DPP3: variants seen among roughly 807,000 people sequenced by gnomAD.
DPP3 encodes the protein dipeptidyl peptidase 3.
DPP3 carries 64 observed loss-of-function variants against 89.8 expected under a neutral mutation model. The ratio of observed to expected loss-of-function variants is 0.71; its 90% confidence interval spans 0.58 to 0.88. DPP3 has a LOEUF of 0.88. Ranked by LOEUF, DPP3 falls within the 40% of genes least tolerant of loss-of-function variation. DPP3 has a pLI of 0.00. For synonymous variants in DPP3, 377 were observed against 404.3 expected, an observed-to-expected ratio of 0.93 and a Z score of 0.81; for missense variants, 835 against 972.5, an observed-to-expected ratio of 0.86 and a Z score of 1.88.
chr11:66,488,288 A>T (rs1185328049), intron 6 of DPP3, among the ~76,000 whole-genome samples: 2 of 152,234 alleles, frequency 1.3e-5, no homozygotes, highest in East Asian at 3.8e-4. Flanking sequence ...CAGGCCGGGC[A>T]TGGCAGCTCA....
Position 66,482,247 on chromosome 11 carries a change from G to A in DPP3, c.47G>A (p.Ser16Asn), listed in dbSNP as rs900201852. The A allele has an allele frequency of 1.2e-5, 20 of 1,614,052 alleles. No individual in the cohort carries two copies. The Admixed American group carries it at 3.0e-4, about 24-fold the overall frequency. The change falls in exon 2 of 18, where the codon AGC (serine) becomes AAC (asparagine). Residue 16 changes from serine (S) to asparagine (N), a missense_variant. Physicochemically the swap from Ser to Asn is conservative, Grantham distance 46. Transcript: ENST00000531863. ...CTGCCCAATGACATCGGCGTGTCTAGCCTGGACTGCCGTGAGGCCTTCCGC... is the reference window on the plus strand; with the variant it reads ...CTGCCCAATGACATCGGCGTGTCTAACCTGGACTGCCGTGAGGCCTTCCGC... ...YILPNDIGVSSLDCREAFRLL... is the reference protein window; with the variant it reads ...YILPNDIGVSNLDCREAFRLL...
intron 9 of DPP3, 33 bp downstream of exon 9, chr11:66,491,789 C>T: frequency 6.2e-7 from 1 of 1,610,264 alleles, no homozygotes; most frequent in Non-Finnish European, 8.5e-7. Context: ...CAGTCACAGT[C>T]CCTTCCCCCA....
At chr11:66,484,162 G>C (rs1002779491) in intron 2 of DPP3, among the ~76,000 whole-genome samples, 2 of 152,068 alleles carry the variant, frequency 1.3e-5, no homozygotes, top group African/African-American at 2.4e-5. Context: ...ATTTTTAGTA[G>C]AGATGGGGTT....
rs1310236816 is a variant in DPP3, at chr11:66,502,504, C to CT, written c.1879-2107dup. ...TTTTTTTTCGAAACCAAGTCTCACT[C>CT]TGTCGCCCAGGCTGGAGTGCAGTGG... On this transcript the variant is annotated intron_variant, in intron 16 of 17. Transcript: ENST00000531863. Among the ~76,000 whole-genome samples the CT allele has an allele frequency of 1.4e-3, 212 of 150,712 alleles. 1 individual carries two copies. The highest frequency in any genetic ancestry group is 5.0e-3 in the African/African-American group (207 of 41,052).
chr11:66,489,582 G>T (rs542472510), intron 6 of DPP3, among the ~76,000 whole-genome samples: 81 of 152,318 alleles, frequency 5.3e-4, no homozygotes, highest in African/African-American at 1.7e-3. Flanking sequence ...CGGACTGCCC[G>T]AGTGGGTCAT....
chr11:66,500,633 C>T (rs1269676078), intron 16 of DPP3, among the ~76,000 whole-genome samples: 2 of 152,186 alleles, frequency 1.3e-5, no homozygotes, highest in Non-Finnish European at 2.9e-5. Context: ...GAATTACATA[C>T]GAATTTTAAG....
At chr11:66,507,661 G>A (rs1855837105) in intron 17 of DPP3, among the ~76,000 whole-genome samples, 1 of 150,940 alleles carries the variant, frequency 6.6e-6, no homozygotes, top group Non-Finnish European at 1.5e-5. Flanking sequence ...ATTTTCAAAG[G>A]TTGTGATGGT....
chr11:66,485,507 G>A (rs1855202329), intron 3 of DPP3, among the ~76,000 whole-genome samples: 1 of 152,350 alleles, frequency 6.6e-6, no homozygotes, highest in South Asian at 2.1e-4. Context: ...GGCGAGATGT[G>A]GAAGTGTTCT....
intron 11 of DPP3, 53 bp downstream of exon 11, chr11:66,493,232 C>A: frequency 6.6e-7 from 1 of 1,504,102 alleles, no homozygotes; most frequent in Admixed American, 1.8e-5. Context: ...CCTCAGCAGA[C>A]TCAGGAAGAG....
intron 15 of DPP3, among the ~76,000 whole-genome samples, chr11:66,496,065 G>A (rs1294593095): frequency 6.6e-6 from 1 of 152,176 alleles, no homozygotes; most frequent in Non-Finnish European, 1.5e-5. Flanking sequence ...ACCCCAGGAG[G>A]TAGGTGCTAT....
chr11:66,480,483 G>C lies in DPP3; in HGVS notation c.-9+18G>C. The C allele has an allele frequency of 1.4e-6, 2 of 1,480,256 alleles. No individual in the cohort carries two copies. The highest frequency in any genetic ancestry group is 1.8e-6 in the Non-Finnish European group (2 of 1,123,762). The allele number at this position is 1,480,256 out of a possible 1,614,324, so 91.7% of individuals were successfully genotyped here. On this transcript the variant is annotated intron_variant, in intron 1 of 17. Transcript: ENST00000531863. Reference sequence around the variant, plus strand: ...TGCTGCAGGTGAGGCGCGGCGCCTGGGCTTTTGGGGTCAAAGCGTGTCATC... The same window carrying C: ...TGCTGCAGGTGAGGCGCGGCGCCTGCGCTTTTGGGGTCAAAGCGTGTCATC...
At chr11:66,491,156 TG>T in intron 6 of DPP3, 96 bp from the exon 7 acceptor site, 1 of 1,563,760 alleles carries the variant, frequency 6.4e-7, no homozygotes. Flanking sequence ...AAGAGTGCTA[TG>T]GGGAAAAGCC....
chr11:66,509,001 GATT>G, intron 17 of DPP3, 75 bp from the exon 18 acceptor site: 1 of 1,542,732 alleles, frequency 6.5e-7, no homozygotes, highest in Non-Finnish European at 8.8e-7. Flanking sequence ...CTGTAATTGT[GATT>G]ATTAAGATTT....
In DPP3 at chr11:66,485,212, G is replaced by A. The variant is rs752247937; in HGVS notation, c.310G>A (p.Gly104Ser). 10 of 1,614,144 alleles carry A rather than the reference G, an allele frequency of 6.2e-6. No homozygotes were observed. The South Asian group carries it at 8.8e-5, about 14-fold the overall frequency. Residue 104 changes from glycine to serine, a missense_variant, in exon 3 of 18, where the codon GGC (glycine) becomes AGC (serine). Gly to Ser is a moderately conservative substitution (Grantham distance 56, BLOSUM62 0). Transcript: ENST00000531863. ...TGCCGCGGGTGTTTACTCCAACATGGGCAACTACAAGTCCTTTGGTGACAC... is the reference window on the plus strand; with the variant it reads ...TGCCGCGGGTGTTTACTCCAACATGAGCAACTACAAGTCCTTTGGTGACAC... Reference protein sequence around the residue: ...VYAAGVYSNMGNYKSFGDTKF... With the variant: ...VYAAGVYSNMSNYKSFGDTKF...
Position 66,482,511 on chromosome 11 carries a change from C to T in DPP3, c.270+41C>T, listed in dbSNP as rs778459374. 6.3e-6 allele frequency: 10 copies of T among 1,584,882 alleles called. 1 individual carries two copies. Among genetic ancestry groups the T allele is most frequent in the East Asian group, 4.5e-5 (2 of 44,434 alleles). ...CCAACCCACATTACCTGAGTGGCTTCTGGGTGTGAAAGACCAGGATGCAAA... is the reference window on the plus strand; with the variant it reads ...CCAACCCACATTACCTGAGTGGCTTTTGGGTGTGAAAGACCAGGATGCAAA... On this transcript the variant is annotated intron_variant, in intron 2 of 17. Coordinates refer to ENST00000531863, the MANE Select transcript of DPP3 (RefSeq NM_130443.4).
chr11:66,480,809 C>T (rs774820090), intron 1 of DPP3: 15 of 251,388 alleles, frequency 6.0e-5, no homozygotes, highest in Non-Finnish European at 9.8e-5. Context: ...AATTGTTGCC[C>T]TTTCCAAGCC....
At chr11:66,502,663 C>CCCAT (rs1186855549) in intron 16 of DPP3, among the ~76,000 whole-genome samples, 1 of 152,092 alleles carries the variant, frequency 6.6e-6, no homozygotes, top group Non-Finnish European at 1.5e-5. Context: ...GGGGTTTCAC[C>CCCAT]CCATGTTAGC....
At chr11:66,507,474 A>T (rs11822113) in intron 17 of DPP3, among the ~76,000 whole-genome samples, 3,599 of 151,918 alleles carry the variant, frequency 0.024, 110 homozygotes, top group African/African-American at 0.076. Context: ...CTAAAAAAAA[A>T]AATAATAATA....
chr11:66,503,702 A>G (rs1314997673), intron 16 of DPP3, among the ~76,000 whole-genome samples: 1 of 152,172 alleles, frequency 6.6e-6, no homozygotes, highest in Admixed American at 6.5e-5. Flanking sequence ...CTTGGCTAAC[A>G]TGGTGAAATC....
Sources: gnomAD v4.1 joint callset for allele counts (sites outside exome capture counted in the v4.1 genomes callset) on GRCh38, gnomAD v4.1.1 for gene constraint, MANE v1.5 for transcripts, NCBI Gene and HGNC (gene_info 2026-07-23, HGNC 2026-07-21) for gene names.